JAZF1: variants seen among roughly 807,000 people sequenced by gnomAD.
JAZF1 encodes JAZF zinc finger 1.
A neutral mutation model predicts 26.4 loss-of-function variants in JAZF1; 8 were observed. The observed-to-expected ratio is 0.30, with a 90% CI of 0.18 to 0.55. The LOEUF (loss-of-function observed/expected upper bound fraction) is 0.55, where lower values mean the gene tolerates loss of function less well. Ranked by LOEUF, JAZF1 falls within the 20% of genes least tolerant of loss-of-function variation. JAZF1 has a pLI of 0.94. For missense variants in JAZF1, 199 were observed against 322.0 expected, an observed-to-expected ratio of 0.62 and a Z score of 2.92; for synonymous variants, 126 against 122.3, an observed-to-expected ratio of 1.03 and a Z score of -0.20.
chr7:28,104,752 C>A (rs560440760), intron 1 of JAZF1, among the ~76,000 whole-genome samples: 2 of 152,262 alleles, frequency 1.3e-5, no homozygotes, highest in East Asian at 3.9e-4. Context: ...AATGTCCAAC[C>A]CTACAAATAA....
intron 4 of JAZF1, among the ~76,000 whole-genome samples, chr7:27,839,421 G>A (rs1243365513): frequency 1.3e-5 from 2 of 152,204 alleles, no homozygotes; most frequent in Non-Finnish European, 2.9e-5. Context: ...ATGAAGCGCT[G>A]CCCTCTGGAA....
chr7:28,028,520 T>C (rs1783130513), intron 1 of JAZF1, among the ~76,000 whole-genome samples: 1 of 152,202 alleles, frequency 6.6e-6, no homozygotes, highest in East Asian at 1.9e-4. Context: ...TCTACCACCT[T>C]TCCATTCTGC....
chr7:27,935,088 C>T lies in JAZF1; in HGVS notation c.189-39672G>A, dbSNP rs78151136. 5.0e-3 allele frequency among the ~76,000 whole-genome samples: 762 copies of T among 152,226 alleles called. 10 individuals are homozygous for T. The highest frequency in any genetic ancestry group is 5.5e-3 in the Admixed American group (84 of 15,298). ...AAGAAGATATACAAATGCCAATAAGCATTTGAAAAGATGCTCAACATTATT... is the reference window on the plus strand; with the variant it reads ...AAGAAGATATACAAATGCCAATAAGTATTTGAAAAGATGCTCAACATTATT... On this transcript the variant is annotated intron_variant, in intron 2 of 4. Transcript: ENST00000283928.
Position 27,991,903 on chromosome 7 carries a change from G to T in JAZF1, c.188+6C>A. The T allele has an allele frequency of 6.6e-7, 1 of 1,522,348 alleles. No homozygotes were observed. 94.3% of individuals were successfully genotyped at this position (1,522,348 alleles called of 1,614,324 possible). On this transcript the variant is annotated splice_donor_region_variant and intron_variant, in intron 2 of 4. Transcript: ENST00000283928. ...GTTGTTATAATAAATTCTGAAAATG[G>T]CTTACCTATTTATGTAACTCAGGGC... is the stretch of plus-strand genomic sequence containing the variant.
At chr7:28,094,487 C>T (rs1264811526) in intron 1 of JAZF1, among the ~76,000 whole-genome samples, 2 of 152,214 alleles carry the variant, frequency 1.3e-5, no homozygotes, top group African/African-American at 2.4e-5. Context: ...AGAGGCTTGG[C>T]CTGGCCTGGG....
chr7:28,134,551 G>A (rs892588647), intron 1 of JAZF1, among the ~76,000 whole-genome samples: 10 of 149,534 alleles, frequency 6.7e-5, no homozygotes, highest in African/African-American at 2.0e-4. Flanking sequence ...GGCTTCAAAC[G>A]ATCCTCCCTC....
chr7:27,855,511 T>C lies in JAZF1; in HGVS notation c.386-14644A>G, dbSNP rs1783232370. The stretch of plus-strand genomic sequence containing the variant: ...AGAGAGAAGAATCAAATAGACACAA[T>C]AAAAAATGATAAAGAGGATATCACC... On this transcript the variant is annotated intron_variant, in intron 3 of 4. Coordinates refer to ENST00000283928, the MANE Select transcript of JAZF1 (RefSeq NM_175061.4). 2.0e-5 allele frequency among the ~76,000 whole-genome samples: 3 copies of C among 151,726 alleles called. 1 individual carries two copies. In the South Asian group the frequency reaches 6.3e-4, roughly 32 times the overall value.
intron 1 of JAZF1, among the ~76,000 whole-genome samples, chr7:28,046,771 T>G (rs961592219): frequency 1.3e-5 from 2 of 152,216 alleles, no homozygotes; most frequent in African/African-American, 4.8e-5. Context: ...AAATAGTCAT[T>G]TGTATTTCTT....
At chr7:28,066,945 A>T (rs1783893372) in intron 1 of JAZF1, among the ~76,000 whole-genome samples, 1 of 152,204 alleles carries the variant, frequency 6.6e-6, no homozygotes, top group South Asian at 2.1e-4. Flanking sequence ...AGAGCCAAGA[A>T]GAACTAGCAG....
intron 1 of JAZF1, among the ~76,000 whole-genome samples, chr7:28,172,173 T>C (rs770202104): frequency 2.6e-5 from 4 of 152,228 alleles, no homozygotes; most frequent in Non-Finnish European, 4.4e-5. Context: ...TTCATATCAT[T>C]TTCCACAGGG....
intron 1 of JAZF1, among the ~76,000 whole-genome samples, chr7:28,026,114 C>T (rs1433936956): frequency 9.9e-5 from 15 of 152,082 alleles, no homozygotes; most frequent in African/African-American, 3.6e-4. Context: ...TAGCTTAAGG[C>T]CTAGGTTACA....
chr7:27,912,157 C>T (rs1205492343), intron 2 of JAZF1, among the ~76,000 whole-genome samples: 1 of 152,128 alleles, frequency 6.6e-6, no homozygotes, highest in Non-Finnish European at 1.5e-5. Context: ...ACAAACCCTC[C>T]TAAATAATGG....
intron 1 of JAZF1, among the ~76,000 whole-genome samples, chr7:28,018,722 G>A (rs958736690): frequency 2.0e-5 from 3 of 152,160 alleles, no homozygotes; most frequent in African/African-American, 7.2e-5. Context: ...GGGAAATTAA[G>A]CCTGTCCTCC....
At position 27,978,664 on chromosome 7, in the gene JAZF1, T is replaced by A. The variant is rs1785518119; in HGVS notation, c.188+13245A>T. On this transcript the variant is annotated intron_variant, in intron 2 of 4. Transcript: ENST00000283928. ...AACTATATACACAACACTACTCCCA[T>A]CAGATGCTTCAAGAAAAAGTGCTCT... is the stretch of plus-strand genomic sequence containing the variant. Among the ~76,000 whole-genome samples the A allele has an allele frequency of 3.3e-5, 5 of 152,316 alleles. No homozygotes were observed. In the South Asian group the frequency reaches 1.0e-3, roughly 32 times the overall value.
intron 4 of JAZF1, among the ~76,000 whole-genome samples, chr7:27,837,606 G>A (rs1277672363): frequency 6.6e-6 from 1 of 152,192 alleles, no homozygotes. Flanking sequence ...ACCTATGAGG[G>A]GCGGAGAGGG....
chr7:27,866,573 A>G (rs1259174631), intron 3 of JAZF1, among the ~76,000 whole-genome samples: 2 of 152,222 alleles, frequency 1.3e-5, no homozygotes, highest in African/African-American at 2.4e-5. Context: ...AGTTAACACT[A>G]TATTAGTGTT....
At chr7:28,093,457 G>C (rs1014998599) in intron 1 of JAZF1, among the ~76,000 whole-genome samples, 1 of 152,136 alleles carries the variant, frequency 6.6e-6, no homozygotes, top group Non-Finnish European at 1.5e-5. Context: ...CCAGTCTTGG[G>C]ATGTCTTTAT....
intron 1 of JAZF1, among the ~76,000 whole-genome samples, chr7:28,069,217 T>G (rs1783932049): frequency 1.3e-5 from 2 of 152,250 alleles, no homozygotes; most frequent in Admixed American, 6.5e-5. Context: ...CAGCGCTGCT[T>G]CCTCTTGATC....
intron 2 of JAZF1, among the ~76,000 whole-genome samples, chr7:27,987,498 G>A (rs1042373319): frequency 1.3e-5 from 2 of 152,006 alleles, no homozygotes; most frequent in African/African-American, 4.8e-5. Flanking sequence ...GCCCCCACCC[G>A]GCCAGCCACC....
Sources: gnomAD v4.1 joint callset for allele counts (sites outside exome capture counted in the v4.1 genomes callset) on GRCh38, gnomAD v4.1.1 for gene constraint, MANE v1.5 for transcripts, NCBI Gene and HGNC (gene_info 2026-07-23, HGNC 2026-07-21) for gene names.